The following NSG2 variants were observed in gnomAD, a reference collection of about 807,000 sequenced individuals.
NSG2 encodes the protein neuronal vesicle trafficking-associated protein 2.
NSG2 carries 4 observed loss-of-function variants against 16.9 expected under a neutral mutation model. The observed-to-expected ratio is 0.24, with a 90% confidence interval of 0.12 to 0.54. The LOEUF (loss-of-function observed/expected upper bound fraction) is 0.54, where lower values mean the gene tolerates loss of function less well. Ranked by LOEUF, NSG2 falls within the 20% of genes least tolerant of loss-of-function variation. The pLI, the probability that NSG2 is intolerant of heterozygous loss-of-function variation, is 0.95. For missense variants in NSG2, 179 were observed against 221.1 expected (o/e 0.81, Z 1.21); for synonymous variants, 98 against 88.7 (o/e 1.11, Z -0.59).
chr5:174,083,409 T>C (rs1760529498), intron 3 of NSG2, among the ~76,000 whole-genome samples: 1 of 152,200 alleles, frequency 6.6e-6, no homozygotes, highest in Non-Finnish European at 1.5e-5. Context: ...GGAAAATCAA[T>C]TGTGTTTCTC....
intron 3 of NSG2, among the ~76,000 whole-genome samples, chr5:174,070,192 AT>A (rs1400450525): frequency 6.6e-6 from 1 of 151,894 alleles, no homozygotes; most frequent in Non-Finnish European, 1.5e-5. Flanking sequence ...CCGTCTGGTC[AT>A]TTTTTTCGTG....
chr5:174,081,904 A>T (rs1240927427), intron 3 of NSG2, among the ~76,000 whole-genome samples: 1 of 151,890 alleles, frequency 6.6e-6, no homozygotes, highest in Non-Finnish European at 1.5e-5. Context: ...AAAAAAAAAA[A>T]AAAAGAGAGA....
rs1166083320 is a variant in NSG2 at position 174,072,687 on chromosome 5, TTAA to T, written c.213+8376_213+8378del. Among the ~76,000 whole-genome samples the T allele has an allele frequency of 6.6e-6, 1 of 152,190 alleles. No homozygotes were observed. The highest frequency in any genetic ancestry group is 1.5e-5 in the Non-Finnish European group (1 of 68,010). Reference sequence around the variant, plus strand: ...CCGGATGAAGCAGTAAAAAATGCCCTTAATAAATGAATAAGGCTGGGTGTGGTG... The same window carrying T: ...CCGGATGAAGCAGTAAAAAATGCCCTTAAATGAATAAGGCTGGGTGTGGTG... On this transcript the variant is annotated intron_variant, in intron 3 of 4. Transcript: ENST00000303177. This position sits in a 1 kb window ranked among gnomAD's most constrained non-coding sequence, Gnocchi z 4.0.
At position 174,107,526 on chromosome 5, in the gene NSG2, G is replaced by A. The variant is rs755677311; in HGVS notation, c.*21G>A. ...ACTAGAGGCCTGCCCCAGCCAGAATGGGGGGCGGGGTGGAGAGGAGGACCC... is the reference window on the plus strand; with the variant it reads ...ACTAGAGGCCTGCCCCAGCCAGAATAGGGGGCGGGGTGGAGAGGAGGACCC... On this transcript the variant is annotated 3_prime_UTR_variant, in exon 5 of 5. Transcript: ENST00000303177. The surrounding 1 kb of genome is among the most constrained non-coding windows in gnomAD (Gnocchi z 4.5). 3.1e-6 allele frequency: 5 copies of A among 1,589,262 alleles called. No individual in the cohort carries two copies. The highest frequency in any genetic ancestry group is 1.7e-5 in the Admixed American group (1 of 57,608).
chr5:174,046,959 AC>A, intron 2 of NSG2, 75 bp downstream of exon 2: 4 of 1,496,940 alleles, frequency 2.7e-6, no homozygotes, highest in Admixed American at 1.8e-5. Flanking sequence ...AAAAAATTCC[AC>A]CCCCCAAATC....
At chr5:174,059,466 G>A (rs532052288) in intron 2 of NSG2, among the ~76,000 whole-genome samples, 2 of 152,204 alleles carry the variant, frequency 1.3e-5, no homozygotes, top group Non-Finnish European at 2.9e-5. Context: ...GAAATCTATT[G>A]ATTTTGGTTT....
intron 2 of NSG2, among the ~76,000 whole-genome samples, chr5:174,060,114 T>C (rs1212755805): frequency 1.3e-5 from 2 of 152,160 alleles, no homozygotes; most frequent in Non-Finnish European, 2.9e-5. Flanking sequence ...AAGAAGGAGA[T>C]GGATGCTAGA....
At chr5:174,058,168 G>A (rs117659744) in intron 2 of NSG2, among the ~76,000 whole-genome samples, 2 of 152,320 alleles carry the variant, frequency 1.3e-5, no homozygotes, top group East Asian at 1.9e-4. Context: ...TTGAGAGTGA[G>A]GTGGCTGGGG....
At chr5:174,089,308 C>G (rs1270275350) in intron 3 of NSG2, among the ~76,000 whole-genome samples, 1 of 152,182 alleles carries the variant, frequency 6.6e-6, no homozygotes, top group Non-Finnish European at 1.5e-5. Flanking sequence ...CTGTTGTGCC[C>G]ACCTTCGCCC....
chr5:174,103,395 T>G (rs965754292), intron 3 of NSG2, among the ~76,000 whole-genome samples: 12 of 152,140 alleles, frequency 7.9e-5, no homozygotes, highest in Non-Finnish European at 1.8e-4. Flanking sequence ...TATTCTGAGA[T>G]GAAGAAGAAT....
intron 3 of NSG2, among the ~76,000 whole-genome samples, chr5:174,065,888 G>A (rs1344259220): frequency 6.6e-6 from 1 of 152,220 alleles, no homozygotes; most frequent in African/African-American, 2.4e-5. Flanking sequence ...GAAGTACAAA[G>A]TACCTGCAAA....
chr5:174,080,497 C>T (rs1056040146), intron 3 of NSG2, among the ~76,000 whole-genome samples: 2 of 146,024 alleles, frequency 1.4e-5, no homozygotes, highest in Admixed American at 1.4e-4. Context: ...CTTTCTTTCC[C>T]TCTTTCTTTC....
chr5:174,102,169 C>T (rs766459854), intron 3 of NSG2, among the ~76,000 whole-genome samples: 7 of 152,292 alleles, frequency 4.6e-5, no homozygotes, highest in South Asian at 4.1e-4. Flanking sequence ...TGCTCATGGA[C>T]GGTGTCTGCC....
intron 3 of NSG2, among the ~76,000 whole-genome samples, chr5:174,081,355 T>C (rs1042167987): frequency 1.9e-4 from 29 of 152,062 alleles, no homozygotes; most frequent in African/African-American, 6.3e-4. Flanking sequence ...GATGTTTTTT[T>C]CCCCCCCAAA....
Position 174,068,639 on chromosome 5 carries a change from G to T in NSG2, c.213+4324G>T, listed in dbSNP as rs183688479. ...CACGGTGATCCTGGTGCTATGGAAG[G>T]TGCTGGTGCTATGGAGGGTGCTGGT... On this transcript the variant is annotated intron_variant, in intron 3 of 4. Transcript: ENST00000303177. 2.4e-3 allele frequency among the ~76,000 whole-genome samples: 364 copies of T among 151,652 alleles called. 1 individual carries two copies. The highest frequency in any genetic ancestry group is 3.4e-3 in the Non-Finnish European group (230 of 67,912).
intron 3 of NSG2, among the ~76,000 whole-genome samples, chr5:174,104,000 A>G (rs1760939294): frequency 6.6e-6 from 1 of 152,068 alleles, no homozygotes. Flanking sequence ...AACAACAACA[A>G]AAAAAACCAA....
At chr5:174,067,444 A>G (rs1240850598) in intron 3 of NSG2, among the ~76,000 whole-genome samples, 1 of 152,170 alleles carries the variant, frequency 6.6e-6, no homozygotes, top group Non-Finnish European at 1.5e-5. Context: ...CAGGGCCTGT[A>G]GAAGTTCTCC....
At chr5:174,081,887 C>CAAAAAA (rs60742273) in intron 3 of NSG2, among the ~76,000 whole-genome samples, 4 of 70,186 alleles carry the variant, frequency 5.7e-5, no homozygotes, top group Admixed American at 1.6e-4. Context: ...GACTCCGACT[C>CAAAAAA]AAAAAAAAAA....
Position 174,070,140 on chromosome 5 carries a change from G to A in NSG2, c.213+5825G>A, listed in dbSNP as rs9313664. 5.6e-3 allele frequency among the ~76,000 whole-genome samples: 850 copies of A among 152,018 alleles called. 6 individuals are homozygous for A. The highest frequency in any genetic ancestry group is 0.02 in the African/African-American group (817 of 41,484). On this transcript the variant is annotated intron_variant, in intron 3 of 4. Coordinates refer to ENST00000303177, the MANE Select transcript of NSG2 (RefSeq NM_015980.5). ...GGCTTCAAGCGATCCTCCTGCCTCG[G>A]CCTCCCAAAGTTCTGGGATTACAGG... is the stretch of plus-strand genomic sequence containing the variant.
Sources: gnomAD v4.1 joint callset for allele counts (sites outside exome capture counted in the v4.1 genomes callset) on GRCh38, gnomAD v4.1.1 for gene constraint, Gnocchi (gnomAD v3.1) non-coding constraint, MANE v1.5 for transcripts, NCBI Gene and HGNC (gene_info 2026-07-23, HGNC 2026-07-21) for gene names.